The following TMEM132B variants were observed in gnomAD, a reference collection of about 807,000 sequenced individuals.
TMEM132B encodes the protein transmembrane protein 132B.
A neutral mutation model predicts 90.8 loss-of-function variants in TMEM132B; 18 were observed. That is an observed-to-expected ratio of 0.20 (90% CI 0.14 to 0.29). The LOEUF is 0.29. Among genes scored for constraint, TMEM132B ranks in the 10% least tolerant of loss-of-function variants. The pLI is 1.00. For missense variants in TMEM132B, 1,096 were observed against 1,326.8 expected, an observed-to-expected ratio of 0.83 and a Z score of 2.70; for synonymous variants, 504 against 523.3, an observed-to-expected ratio of 0.96 and a Z score of 0.50.
chr12:125,541,519 AAG>A (rs1883956516), intron 4 of TMEM132B, among the ~76,000 whole-genome samples: 1 of 152,128 alleles, frequency 6.6e-6, no homozygotes, highest in South Asian at 2.1e-4. Flanking sequence ...ATAAATATGG[AAG>A]AAATTTAATT....
intron 3 of TMEM132B, among the ~76,000 whole-genome samples, chr12:125,439,592 TATAGAATC>T (rs1880808818): frequency 6.6e-6 from 1 of 152,192 alleles, no homozygotes; most frequent in Non-Finnish European, 1.5e-5. Flanking sequence ...GTTTTCTAGG[TATAGAATC>T]ATGTCATCTG....
chr12:125,390,482 C>T (rs1878976568), intron 2 of TMEM132B, among the ~76,000 whole-genome samples: 1 of 152,174 alleles, frequency 6.6e-6, no homozygotes, highest in South Asian at 2.1e-4. Flanking sequence ...TTTGATACTC[C>T]TCACTTCATG....
chr12:125,600,819 A>G (rs1034979283), intron 5 of TMEM132B, among the ~76,000 whole-genome samples: 1 of 152,180 alleles, frequency 6.6e-6, no homozygotes, highest in Non-Finnish European at 1.5e-5. Flanking sequence ...TTGCAATCCT[A>G]GTCTCTGACA....
chr12:125,228,590 G>A (rs1405436893), intron 1 of TMEM132B, among the ~76,000 whole-genome samples: 1 of 152,220 alleles, frequency 6.6e-6, no homozygotes, highest in Admixed American at 6.5e-5. Context: ...GCTGGTGGGC[G>A]GAGCTGGACC....
intron 4 of TMEM132B, among the ~76,000 whole-genome samples, chr12:125,555,511 T>A (rs1884353288): frequency 7.4e-6 from 1 of 135,610 alleles, no homozygotes; most frequent in Non-Finnish European, 1.5e-5. Context: ...CAGTACAGTG[T>A]TTTGGAGAGG....
chr12:125,449,512 T>C (rs1301306757), intron 3 of TMEM132B, among the ~76,000 whole-genome samples: 1 of 152,230 alleles, frequency 6.6e-6, no homozygotes, highest in African/African-American at 2.4e-5. Flanking sequence ...ATTTTTTTAA[T>C]GTTTCCCAAG....
At chr12:125,370,080 G>A (rs1878248740) in intron 2 of TMEM132B, among the ~76,000 whole-genome samples, 1 of 152,132 alleles carries the variant, frequency 6.6e-6, no homozygotes, top group Admixed American at 6.5e-5. Context: ...TGAACTCCTG[G>A]AAATAAAAGC....
chr12:125,411,488 A>G (rs975347504), intron 2 of TMEM132B, among the ~76,000 whole-genome samples: 5 of 152,026 alleles, frequency 3.3e-5, no homozygotes, highest in Non-Finnish European at 7.4e-5. Flanking sequence ...CGTTCAGCAC[A>G]TGTACCCCAG....
chr12:125,553,902 T>C (rs1282158574), intron 4 of TMEM132B, among the ~76,000 whole-genome samples: 2 of 152,084 alleles, frequency 1.3e-5, no homozygotes, highest in East Asian at 1.9e-4. Flanking sequence ...GCCATGAAAA[T>C]GACTGTGCAA....
At chr12:125,635,947 A>C (rs1886468348) in intron 5 of TMEM132B, among the ~76,000 whole-genome samples, 1 of 152,166 alleles carries the variant, frequency 6.6e-6, no homozygotes, top group South Asian at 2.1e-4. Context: ...CACTGAGTTC[A>C]ATGCCTCACA....
chr12:125,617,172 G>A (rs1886007878), intron 5 of TMEM132B, among the ~76,000 whole-genome samples: 1 of 152,026 alleles, frequency 6.6e-6, no homozygotes, highest in Admixed American at 6.6e-5. Flanking sequence ...TATGCCCATG[G>A]CTTTTTGTTG....
At chr12:125,341,802 G>C (rs1374793943) in intron 1 of TMEM132B, among the ~76,000 whole-genome samples, 2 of 152,208 alleles carry the variant, frequency 1.3e-5, no homozygotes, top group Non-Finnish European at 1.5e-5. Context: ...AGTCAGGGTT[G>C]AGAATCCTTG....
At position 125,445,078 on chromosome 12, in the gene TMEM132B, T is replaced by C. The variant is rs1361909948; in HGVS notation, c.1106+29401T>C. ...ACTCATCTCATCCTCAGAGTATGGG[T>C]CTAAGGACATTAACATTTTTGCTTA... On this transcript the variant is annotated intron_variant, in intron 3 of 8. Transcript: ENST00000682704. The surrounding 1 kb of genome is among the most constrained non-coding windows in gnomAD (Gnocchi z 4.3). Among the ~76,000 whole-genome samples the C allele has an allele frequency of 6.6e-6, 1 of 152,174 alleles. No homozygotes were observed. Among genetic ancestry groups the C allele is most frequent in the East Asian group, 1.9e-4 (1 of 5,200 alleles).
intron 4 of TMEM132B, among the ~76,000 whole-genome samples, chr12:125,574,469 T>G (rs934285216): frequency 1.3e-5 from 2 of 152,176 alleles, no homozygotes; most frequent in African/African-American, 4.8e-5. Context: ...CAAGGTACTT[T>G]AAGGCAATGT....
At chr12:125,189,860 C>A (rs548351670) in intron 1 of TMEM132B, among the ~76,000 whole-genome samples, 1 of 152,138 alleles carries the variant, frequency 6.6e-6, no homozygotes, top group Non-Finnish European at 1.5e-5. Context: ...GCCTTGTTCC[C>A]AGATGCGTCT....
chr12:125,431,547 A>C (rs899461127), intron 3 of TMEM132B, among the ~76,000 whole-genome samples: 1 of 148,676 alleles, frequency 6.7e-6, no homozygotes, highest in Non-Finnish European at 1.5e-5. Flanking sequence ...CTTTGTGTGG[A>C]TGTCTCAGTA....
intron 3 of TMEM132B, among the ~76,000 whole-genome samples, chr12:125,425,584 C>T (rs748093738): frequency 2.0e-4 from 30 of 152,280 alleles, no homozygotes; most frequent in Middle Eastern, 3.4e-3. Flanking sequence ...TAAAACCACC[C>T]CCTGTGCTCT....
intron 4 of TMEM132B, among the ~76,000 whole-genome samples, chr12:125,543,786 T>C (rs1884020213): frequency 6.6e-6 from 1 of 152,234 alleles, no homozygotes; most frequent in South Asian, 2.1e-4. Flanking sequence ...TAGAAGACAG[T>C]GTGGTGATTT....
Position 125,657,149 on chromosome 12 carries a change from A to C in TMEM132B, c.*2439A>C, listed in dbSNP as rs527492296. 6.6e-6 allele frequency: 1 copy of C among 152,360 alleles called. No individual in the cohort carries two copies. The highest frequency in any genetic ancestry group is 2.4e-5 in the African/African-American group (1 of 41,568). The allele number at this position is 152,360 out of a possible 1,614,324, so 9.4% of individuals were successfully genotyped here. On this transcript the variant is annotated 3_prime_UTR_variant, in exon 9 of 9. Coordinates refer to ENST00000682704, the MANE Select transcript of TMEM132B (RefSeq NM_001366854.1). The stretch of plus-strand genomic sequence containing the variant: ...GGGCTGGAAACTGGCCACAGTCCTG[A>C]AGATGCTTCTTGTGACAACTTAGAG...
Sources: allele counts gnomAD v4.1 joint callset (sites outside exome capture counted in the v4.1 genomes callset), GRCh38; gene constraint gnomAD v4.1.1; non-coding constraint Gnocchi (gnomAD v3.1); transcripts MANE v1.5; gene names NCBI Gene and HGNC (gene_info 2026-07-23, HGNC 2026-07-21).